SCP2: variants seen among roughly 807,000 people sequenced by gnomAD.
The protein encoded by SCP2 is sterol carrier protein 2.
In SCP2, 48 loss-of-function variants were observed where a neutral mutation model predicts 71.4. That is an observed-to-expected ratio of 0.67 (90% confidence interval 0.53 to 0.86). The LOEUF (loss-of-function observed/expected upper bound fraction) is 0.86, where lower values mean the gene tolerates loss of function less well. SCP2 is among the 40% of genes least tolerant of loss of function. The pLI, the probability that SCP2 is intolerant of heterozygous loss-of-function variation, is 0.00. For synonymous variants in SCP2, 220 were observed against 218.1 expected (o/e 1.01, Z -0.08); for missense variants, 560 against 655.6 (o/e 0.85, Z 1.59).
intron 12 of SCP2, among the ~76,000 whole-genome samples, chr1:53,023,245 C>T (rs4130006): frequency 0.14 from 20,807 of 152,054 alleles, 2,011 homozygotes; most frequent in East Asian, 0.32. Context: ...ATAAAAGACA[C>T]ACCTGTGACC....
chr1:52,970,641 T>A (rs11206053), intron 6 of SCP2, among the ~76,000 whole-genome samples: 4,036 of 152,064 alleles, frequency 0.027, 183 homozygotes, highest in African/African-American at 0.092. Flanking sequence ...TATAGGAATA[T>A]TTTCTTGGTA....
intron 11 of SCP2, chr1:52,995,853 T>C (rs914796070): frequency 1.6e-6 from 2 of 1,240,946 alleles, no homozygotes; most frequent in Non-Finnish European, 2.3e-6. Context: ...TTCACTGCCA[T>C]GTTCCCCTGG....
chr1:52,944,726 G>A (rs1490306228), intron 2 of SCP2, among the ~76,000 whole-genome samples: 1 of 151,934 alleles, frequency 6.6e-6, no homozygotes, highest in Non-Finnish European at 1.5e-5. Flanking sequence ...GGATTGACTA[G>A]TAATAAGAAA....
chr1:53,029,339 C>T (rs1662361516), intron 13 of SCP2, among the ~76,000 whole-genome samples: 1 of 150,772 alleles, frequency 6.6e-6, no homozygotes, highest in African/African-American at 2.4e-5. Flanking sequence ...TCACGGCTCA[C>T]TGCAGCCTTG....
intron 12 of SCP2, among the ~76,000 whole-genome samples, chr1:53,024,098 TC>T (rs1661937767): frequency 6.6e-6 from 1 of 152,172 alleles, no homozygotes; most frequent in Non-Finnish European, 1.5e-5. Context: ...TCTGATTTGT[TC>T]ATCTTAAAAT....
intron 13 of SCP2, among the ~76,000 whole-genome samples, chr1:53,029,159 C>T (rs904158261): frequency 3.9e-5 from 6 of 151,996 alleles, no homozygotes; most frequent in Admixed American, 3.3e-4. Flanking sequence ...AATAATCATA[C>T]TAAGGCAATC....
intron 10 of SCP2, among the ~76,000 whole-genome samples, chr1:52,980,814 C>T (rs561740498): frequency 2.0e-4 from 30 of 152,310 alleles, no homozygotes; most frequent in African/African-American, 7.2e-4. Flanking sequence ...AAAATAGCTA[C>T]TCCATCTTTC....
chr1:53,037,673 A>G (rs1475860142), intron 13 of SCP2, among the ~76,000 whole-genome samples: 1 of 152,072 alleles, frequency 6.6e-6, no homozygotes, highest in East Asian at 1.9e-4. Flanking sequence ...TGATAGAGAA[A>G]ATGAGTTGAA....
chr1:52,981,938 C>A (rs896183685), intron 10 of SCP2, among the ~76,000 whole-genome samples: 3 of 151,750 alleles, frequency 2.0e-5, no homozygotes, highest in African/African-American at 7.3e-5. Flanking sequence ...TTCTATTTGT[C>A]CCCTGTAATT....
At chr1:53,016,598 C>G (rs965933027) in intron 12 of SCP2, among the ~76,000 whole-genome samples, 4 of 151,980 alleles carry the variant, frequency 2.6e-5, no homozygotes, top group African/African-American at 9.7e-5. Flanking sequence ...TAGGATTGCC[C>G]AACAGAAGTA....
chr1:53,004,179 G>A (rs978411167), intron 11 of SCP2, among the ~76,000 whole-genome samples: 7 of 152,156 alleles, frequency 4.6e-5, no homozygotes, highest in Non-Finnish European at 8.8e-5. Flanking sequence ...TGAATGGTGC[G>A]AGATTTTATC....
At chr1:52,982,177 C>T (rs1212863737) in intron 10 of SCP2, among the ~76,000 whole-genome samples, 1 of 152,038 alleles carries the variant, frequency 6.6e-6, no homozygotes, top group East Asian at 1.9e-4. Flanking sequence ...CAGCAATATC[C>T]CTGCCTCTTA....
intron 11 of SCP2, among the ~76,000 whole-genome samples, chr1:52,999,735 G>C (rs1474536820): frequency 6.6e-6 from 1 of 151,062 alleles, no homozygotes; most frequent in Non-Finnish European, 1.5e-5. Context: ...AAACACATTA[G>C]TGTTCAGGTA....
intron 12 of SCP2, among the ~76,000 whole-genome samples, chr1:53,019,040 T>G (rs1661536120): frequency 6.6e-6 from 1 of 152,170 alleles, no homozygotes; most frequent in Non-Finnish European, 1.5e-5. Flanking sequence ...TGCCTAATGT[T>G]TCCCCAAATT....
intron 6 of SCP2, among the ~76,000 whole-genome samples, chr1:52,969,347 T>A (rs1260072937): frequency 2.6e-5 from 4 of 151,372 alleles, no homozygotes; most frequent in African/African-American, 9.7e-5. Flanking sequence ...GGCAACATGA[T>A]GAAACCACAA....
At chr1:53,026,622 A>G (rs1268206317) in intron 12 of SCP2, among the ~76,000 whole-genome samples, 1 of 152,202 alleles carries the variant, frequency 6.6e-6, no homozygotes, top group African/African-American at 2.4e-5. Context: ...AGCCTGGGCA[A>G]CATAACAAGG....
chr1:53,036,613 A>G (rs999881664), intron 13 of SCP2, among the ~76,000 whole-genome samples: 2 of 149,722 alleles, frequency 1.3e-5, no homozygotes, highest in Non-Finnish European at 3.0e-5. Context: ...TTTGTAATCT[A>G]CTTTTTCTGT....
At chr1:53,008,760 G>A (rs1409399036) in intron 11 of SCP2, among the ~76,000 whole-genome samples, 1 of 152,166 alleles carries the variant, frequency 6.6e-6, no homozygotes, top group Non-Finnish European at 1.5e-5. Context: ...ATTCAACATA[G>A]TGTTGGAAAT....
At chr1:52,941,422 G>T (rs1015495163) in intron 1 of SCP2, among the ~76,000 whole-genome samples, 8 of 152,214 alleles carry the variant, frequency 5.3e-5, no homozygotes, top group African/African-American at 1.9e-4. Flanking sequence ...TGAATGAATA[G>T]ATTTTTATTG....
Sources: allele counts gnomAD v4.1 joint callset (sites outside exome capture counted in the v4.1 genomes callset), GRCh38; gene constraint gnomAD v4.1.1; transcripts MANE v1.5; gene names NCBI Gene and HGNC (gene_info 2026-07-23, HGNC 2026-07-21).